SLC25A24: variants seen among roughly 807,000 people sequenced by gnomAD.
SLC25A24 encodes solute carrier family 25 member 24.
Under a neutral mutation model 60.7 loss-of-function variants are expected in SLC25A24, and 49 were observed. The observed-to-expected ratio is 0.81, with a 90% CI of 0.64 to 1.02. The LOEUF is 1.02. Among genes scored for constraint, SLC25A24 ranks in the 50% least tolerant of loss-of-function variants. The pLI, the probability that SLC25A24 is intolerant of heterozygous loss-of-function variation, is 0.00. For synonymous variants in SLC25A24, 202 were observed against 200.6 expected, an observed-to-expected ratio of 1.01 and a Z score of -0.06; for missense variants, 564 against 586.3, an observed-to-expected ratio of 0.96 and a Z score of 0.39.
intron 4 of SLC25A24, 145 bp from the exon 5 acceptor site, chr1:108,157,765 G>A: frequency 1.2e-6 from 1 of 825,902 alleles, no homozygotes; most frequent in Non-Finnish European, 1.9e-6. Context: ...TGAGTACATA[G>A]ATTATAAGTT....
At chr1:108,195,001 A>T (rs1648449465) in intron 1 of SLC25A24, among the ~76,000 whole-genome samples, 1 of 152,184 alleles carries the variant, frequency 6.6e-6, no homozygotes, top group Admixed American at 6.5e-5. Context: ...AAACACTATG[A>T]TCCACGTTTC....
intron 8 of SLC25A24, among the ~76,000 whole-genome samples, chr1:108,140,598 T>C (rs748032176): frequency 1.3e-5 from 2 of 152,032 alleles, no homozygotes; most frequent in Non-Finnish European, 2.9e-5. Flanking sequence ...TATAAATCTA[T>C]GTTAAGGATA....
At chr1:108,172,736 C>A (rs937498788) in intron 3 of SLC25A24, among the ~76,000 whole-genome samples, 8 of 152,040 alleles carry the variant, frequency 5.3e-5, no homozygotes, top group African/African-American at 7.2e-5. Flanking sequence ...GTTTGGGACA[C>A]AAAGAGACAG....
intron 3 of SLC25A24, among the ~76,000 whole-genome samples, chr1:108,179,966 T>C (rs1036304985): frequency 6.6e-6 from 1 of 152,198 alleles, no homozygotes; most frequent in African/African-American, 2.4e-5. Context: ...ATGTTGTACA[T>C]GATAAATACA....
At chr1:108,139,623 C>T (rs969962406) in intron 8 of SLC25A24, among the ~76,000 whole-genome samples, 1 of 152,056 alleles carries the variant, frequency 6.6e-6, no homozygotes, top group African/African-American at 2.4e-5. Flanking sequence ...TTCATCTCAG[C>T]GGAGTTTTTG....
rs1339967389 is a variant in SLC25A24, at chr1:108,200,120, C to A, written c.19G>T (p.Asp7Tyr). The A allele has an allele frequency of 6.4e-7, 1 of 1,559,572 alleles. No homozygotes were observed. Among genetic ancestry groups the A allele is most frequent in the South Asian group, 1.2e-5 (1 of 84,978 alleles). ...CAGGCCGCGGTGGGCAGCACGAAGT[C>A]CCGCAGCCAGCGCAACATGGTCCCA... is the stretch of plus-strand genomic sequence containing the variant. MLRWLR[D>Y]FVLPTAACQD... The change falls in exon 1 of 10, where the codon GAC becomes TAC. Residue 7 changes from aspartate (D) to tyrosine (Y), a missense_variant. Coordinates refer to ENST00000565488, the MANE Select transcript of SLC25A24 (RefSeq NM_013386.5).
intron 6 of SLC25A24, among the ~76,000 whole-genome samples, chr1:108,154,038 T>C (rs558370691): frequency 6.6e-6 from 1 of 151,632 alleles, no homozygotes; most frequent in South Asian, 2.1e-4. Flanking sequence ...CAAGGATAGG[T>C]TCTAATTAAA....
intron 3 of SLC25A24, among the ~76,000 whole-genome samples, chr1:108,165,345 C>T (rs1490003793): frequency 6.6e-6 from 1 of 152,074 alleles, no homozygotes; most frequent in Non-Finnish European, 1.5e-5. Flanking sequence ...TCCTGGGTAT[C>T]CTTGTTGACT....
At chr1:108,185,714 CAA>C in intron 2 of SLC25A24, 112 bp downstream of exon 2, 1 of 787,032 alleles carries the variant, frequency 1.3e-6, no homozygotes, top group Non-Finnish European at 2.0e-6. Context: ...AGTATTAACA[CAA>C]ATAATAATTA....
chr1:108,160,405 C>T (rs1680035652), intron 4 of SLC25A24, among the ~76,000 whole-genome samples: 1 of 150,644 alleles, frequency 6.6e-6, no homozygotes. Context: ...GGCGGCCGGG[C>T]AGAGACGCTC....
At chr1:108,195,262 A>G (rs568779326) in intron 1 of SLC25A24, among the ~76,000 whole-genome samples, 23 of 152,336 alleles carry the variant, frequency 1.5e-4, no homozygotes, top group Non-Finnish European at 2.2e-4. Flanking sequence ...ACAATGGGCA[A>G]TCATATACCA....
intron 6 of SLC25A24, among the ~76,000 whole-genome samples, chr1:108,153,974 C>G (rs1679819299): frequency 6.6e-6 from 1 of 151,868 alleles, no homozygotes; most frequent in Non-Finnish European, 1.5e-5. Flanking sequence ...AACATTAGCC[C>G]TTAATAATCA....
At chr1:108,197,174 T>C (rs1451543167) in intron 1 of SLC25A24, among the ~76,000 whole-genome samples, 1 of 152,202 alleles carries the variant, frequency 6.6e-6, no homozygotes, top group East Asian at 1.9e-4. Flanking sequence ...TTGAATTCTT[T>C]TCTCTTCCCT....
Position 108,144,342 on chromosome 1 carries a change from G to A in SLC25A24, c.931-632C>T, listed in dbSNP as rs145482591. The stretch of plus-strand genomic sequence containing the variant: ...AAGCAGTAGTTGGAAAACTTTTCCT[G>A]TAAAGACTAAATAGTAAAATATCTG... On this transcript the variant is annotated intron_variant, in intron 7 of 9. Coordinates refer to ENST00000565488, the MANE Select transcript of SLC25A24 (RefSeq NM_013386.5). Among the ~76,000 whole-genome samples, 33 of 152,102 alleles carry A rather than the reference G, an allele frequency of 2.2e-4. No individual in the cohort carries two copies. The East Asian group carries it at 5.8e-3, about 27-fold the overall frequency.
At position 108,185,938 on chromosome 1, in the gene SLC25A24, C is replaced by T. The variant is rs966894263; in HGVS notation, c.200G>A (p.Gly67Glu). The stretch of plus-strand genomic sequence containing the variant: ...CAGCTTCCCATCTTTGTTGACATCT[C>T]CAGTAGTAAAAATTTTCTATAAAAA... ...QDAEEKIFTTGDVNKDGKLDF... is the reference protein window; with the variant it reads ...QDAEEKIFTTEDVNKDGKLDF... Residue 67 changes from glycine (G) to glutamate (E), a missense_variant, in exon 2 of 10, where the codon GGA (glycine) becomes GAA (glutamate). Transcript: ENST00000565488. The T allele has an allele frequency of 1.3e-6, 2 of 1,585,998 alleles. No homozygotes were observed. The highest frequency in any genetic ancestry group is 1.7e-6 in the Non-Finnish European group (2 of 1,165,680).
chr1:108,160,574 G>A (rs1571290551), intron 4 of SLC25A24, among the ~76,000 whole-genome samples: 2 of 152,212 alleles, frequency 1.3e-5, no homozygotes, highest in Admixed American at 6.5e-5. Context: ...CTGCAATCTT[G>A]GCACTTTGGG....
intron 6 of SLC25A24, among the ~76,000 whole-genome samples, chr1:108,152,975 G>A (rs375384894): frequency 1.3e-5 from 2 of 152,318 alleles, no homozygotes; most frequent in Non-Finnish European, 1.5e-5. Flanking sequence ...CTGGAGCAGG[G>A]TCAGGAGACA....
intron 9 of SLC25A24, among the ~76,000 whole-genome samples, chr1:108,137,838 C>T (rs907204900): frequency 2.0e-5 from 3 of 152,212 alleles, no homozygotes; most frequent in Non-Finnish European, 4.4e-5. Context: ...GTATTCCCAT[C>T]CCCAAGATGG....
At chr1:108,136,882 C>T (rs1444477184) in intron 9 of SLC25A24, 45 bp from the exon 10 acceptor site, 2 of 1,519,958 alleles carry the variant, frequency 1.3e-6, no homozygotes. Flanking sequence ...AAGTATGTTT[C>T]ATTATTATGA....
Sources: gnomAD v4.1 joint callset for allele counts (sites outside exome capture counted in the v4.1 genomes callset) on GRCh38, gnomAD v4.1.1 for gene constraint, MANE v1.5 for transcripts, NCBI Gene and HGNC (gene_info 2026-07-23, HGNC 2026-07-21) for gene names.